The following CDIN1 variants were observed in gnomAD, a reference collection of about 807,000 sequenced individuals.
The protein encoded by CDIN1 is CDAN1-interacting nuclease 1.
In CDIN1, 33 loss-of-function variants were observed where a neutral mutation model predicts 45.3. The ratio of observed to expected loss-of-function variants is 0.73; its 90% CI spans 0.55 to 0.97. The LOEUF is 0.97. Among genes scored for constraint, CDIN1 ranks in the 50% least tolerant of loss-of-function variants. The pLI, the probability that CDIN1 is intolerant of heterozygous loss-of-function variation, is 0.00. For missense variants in CDIN1, 303 were observed against 339.4 expected (o/e 0.89, Z 0.84); for synonymous variants, 118 against 124.4 (o/e 0.95, Z 0.34).
chr15:36,587,879 G>T (rs1000888507), intron 1 of CDIN1, among the ~76,000 whole-genome samples: 14 of 152,110 alleles, frequency 9.2e-5, no homozygotes, highest in Admixed American at 5.9e-4. Flanking sequence ...TCTCTTTCTC[G>T]CTCTGTTGTC....
Position 36,756,817 on chromosome 15 carries a change from G to A in CDIN1, c.716+46856G>A, listed in dbSNP as rs116232719. ...CAAATGATGACAACTGAGGGACCCC[G>A]TAGCATTACTCATGATGGCTTTTCG... On this transcript the variant is annotated intron_variant, in intron 10 of 10. Transcript: ENST00000566621. 6.4e-3 allele frequency among the ~76,000 whole-genome samples: 968 copies of A among 152,184 alleles called. 12 individuals carry two copies. The highest frequency in any genetic ancestry group is 0.022 in the African/African-American group (901 of 41,516).
chr15:36,771,770 A>G (rs2054083907), intron 10 of CDIN1, among the ~76,000 whole-genome samples: 1 of 152,142 alleles, frequency 6.6e-6, no homozygotes, highest in South Asian at 2.1e-4. Context: ...TCTACTAAAA[A>G]TACAAAAAAT....
intron 5 of CDIN1, among the ~76,000 whole-genome samples, chr15:36,677,763 C>T (rs545022270): frequency 6.6e-6 from 1 of 152,030 alleles, no homozygotes; most frequent in Non-Finnish European, 1.5e-5. Flanking sequence ...AAACATTGAA[C>T]CAGGCCTCAA....
chr15:36,669,629 C>T (rs2140527743), intron 5 of CDIN1, among the ~76,000 whole-genome samples: 1 of 152,116 alleles, frequency 6.6e-6, no homozygotes, highest in South Asian at 2.1e-4. Flanking sequence ...CAAATTTCAC[C>T]AGTACCCAAT....
At chr15:36,669,862 G>A (rs2041383156) in intron 5 of CDIN1, among the ~76,000 whole-genome samples, 1 of 152,038 alleles carries the variant, frequency 6.6e-6, no homozygotes, top group African/African-American at 2.4e-5. Flanking sequence ...GTATCAACAT[G>A]ATTTATCACT....
At chr15:36,596,783 A>T (rs2037853180) in intron 1 of CDIN1, among the ~76,000 whole-genome samples, 2 of 152,118 alleles carry the variant, frequency 1.3e-5, no homozygotes, top group Non-Finnish European at 2.9e-5. Flanking sequence ...CTTTAAAAAA[A>T]ACAAAAAACA....
chr15:36,633,002 A>T (rs1021952365), intron 1 of CDIN1, among the ~76,000 whole-genome samples: 1 of 152,314 alleles, frequency 6.6e-6, no homozygotes, highest in East Asian at 1.9e-4. Flanking sequence ...GGTACTTAAG[A>T]CTCTCATTAA....
At chr15:36,709,738 T>A in intron 9 of CDIN1, 118 bp from the exon 10 acceptor site, 2 of 677,400 alleles carry the variant, frequency 3.0e-6, no homozygotes, top group Non-Finnish European at 5.2e-6. Flanking sequence ...CATTTATAGA[T>A]GATGGTAAGG....
chr15:36,638,464 A>G (rs1773811339), intron 1 of CDIN1, among the ~76,000 whole-genome samples: 1 of 152,206 alleles, frequency 6.6e-6, no homozygotes, highest in Non-Finnish European at 1.5e-5. Flanking sequence ...TTCAGGAACA[A>G]ATTTAAAGCT....
intron 10 of CDIN1, among the ~76,000 whole-genome samples, chr15:36,738,936 G>A (rs1336547777): frequency 1.3e-5 from 2 of 152,184 alleles, no homozygotes; most frequent in African/African-American, 2.4e-5. Context: ...TAGGCATAAT[G>A]TATTTTTAAA....
chr15:36,783,055 A>G (rs1403205941), intron 10 of CDIN1, among the ~76,000 whole-genome samples: 2 of 152,192 alleles, frequency 1.3e-5, no homozygotes, highest in Non-Finnish European at 2.9e-5. Flanking sequence ...ATAATACTAT[A>G]AAATCTCTCC....
intron 10 of CDIN1, among the ~76,000 whole-genome samples, chr15:36,764,266 T>C (rs74980188): frequency 0.01 from 1,475 of 147,324 alleles, 29 homozygotes; most frequent in African/African-American, 0.034. Context: ...TATAAATGCA[T>C]AATCCTGTAG....
intron 10 of CDIN1, among the ~76,000 whole-genome samples, chr15:36,742,153 A>G (rs948914655): frequency 6.6e-6 from 1 of 152,174 alleles, no homozygotes; most frequent in Admixed American, 6.5e-5. Flanking sequence ...ACTAGTGTGT[A>G]TATGTGAGAT....
chr15:36,708,994 T>C, intron 8 of CDIN1: 1 of 370,954 alleles, frequency 2.7e-6, no homozygotes, highest in Non-Finnish European at 4.8e-6. Context: ...GTGATGTTTA[T>C]AATAACGAAA....
chr15:36,645,494 TTGTG>T (rs57349735), intron 3 of CDIN1, among the ~76,000 whole-genome samples: 18,053 of 143,288 alleles, frequency 0.13, 1,140 homozygotes, highest in Middle Eastern at 0.21. Context: ...CTGTCTTGAC[TTGTG>T]TGTGTGTGTG....
chr15:36,728,742 C>T (rs919919503), intron 10 of CDIN1, among the ~76,000 whole-genome samples: 15 of 152,012 alleles, frequency 9.9e-5, no homozygotes, highest in African/African-American at 2.7e-4. Flanking sequence ...GGCACAATCT[C>T]GGCTCACTGC....
rs561652100 is a variant in CDIN1 at position 36,608,802 on chromosome 15, A to G, written c.101+28841A>G. Among the ~76,000 whole-genome samples the G allele has an allele frequency of 2.0e-5, 3 of 152,214 alleles. No individual in the cohort carries two copies. The South Asian group carries it at 6.2e-4, about 32-fold the overall frequency. ...TAAAAGTTGTTTTTCTTTAAACAGT[A>G]TGTTAAATTAAAAAAAAACTTGGCA... On this transcript the variant is annotated intron_variant, in intron 1 of 10. Transcript: ENST00000566621.
At chr15:36,722,050 A>G (rs939818936) in intron 10 of CDIN1, among the ~76,000 whole-genome samples, 8 of 151,784 alleles carry the variant, frequency 5.3e-5, no homozygotes, top group African/African-American at 9.7e-5. Flanking sequence ...AAAAACTGTT[A>G]TGTCATCTAT....
intron 1 of CDIN1, among the ~76,000 whole-genome samples, chr15:36,643,163 A>C (rs2040178927): frequency 6.6e-6 from 1 of 152,200 alleles, no homozygotes; most frequent in Non-Finnish European, 1.5e-5. Flanking sequence ...TCTTTTAATA[A>C]TGTATCAGTT....
Sources: gnomAD v4.1 joint callset for allele counts (sites outside exome capture counted in the v4.1 genomes callset) on GRCh38, gnomAD v4.1.1 for gene constraint, MANE v1.5 for transcripts, NCBI Gene and HGNC (gene_info 2026-07-23, HGNC 2026-07-21) for gene names.